Variants in TTLL8 observed in about 807,000 individuals in gnomAD.
TTLL8 encodes the protein protein monoglycylase TTLL8.
In TTLL8, 65 loss-of-function variants were observed where a neutral mutation model predicts 77.8. The ratio of observed to expected loss-of-function variants is 0.84; its 90% CI spans 0.68 to 1.03. TTLL8 has a LOEUF of 1.03. Among genes scored for constraint, TTLL8 ranks in the 50% least tolerant of loss-of-function variants. The pLI, the probability that TTLL8 is intolerant of heterozygous loss-of-function variation, is 0.00. For missense variants in TTLL8, 910 were observed against 1,004.5 expected, an observed-to-expected ratio of 0.91 and a Z score of 1.27; for synonymous variants, 402 against 422.8, an observed-to-expected ratio of 0.95 and a Z score of 0.60.
chr22:50,029,008 C>CGTCCTG, intron 12 of TTLL8, among the ~76,000 whole-genome samples: 6 of 47,776 alleles, frequency 1.3e-4, no homozygotes, highest in Non-Finnish European at 2.1e-4. Flanking sequence ...CCCATCACAC[C>CGTCCTG]ATCCTGAAGA....
upstream of TTLL8, among the ~76,000 whole-genome samples, chr22:50,054,937 G>A (rs2061463017): frequency 6.6e-6 from 1 of 152,126 alleles, no homozygotes; most frequent in Admixed American, 6.5e-5. Context: ...GCGTGCACCT[G>A]TAGTCCCAGC....
intron 12 of TTLL8, among the ~76,000 whole-genome samples, chr22:50,018,607 T>G (rs1266784688): frequency 6.6e-6 from 1 of 152,108 alleles, no homozygotes; most frequent in Non-Finnish European, 1.5e-5. Flanking sequence ...TAAGTAAAAA[T>G]CAAACTGAAC....
At chr22:50,029,725 T>C (rs1219064693) in intron 12 of TTLL8, among the ~76,000 whole-genome samples, 3 of 151,886 alleles carry the variant, frequency 2.0e-5, no homozygotes, top group Non-Finnish European at 2.9e-5. Flanking sequence ...AGCAAGACTC[T>C]GTCTCAAAAA....
At chr22:50,023,877 G>A (rs150285134) in intron 12 of TTLL8, among the ~76,000 whole-genome samples, 3,487 of 151,900 alleles carry the variant, frequency 0.023, 61 homozygotes, top group South Asian at 0.05. Flanking sequence ...AAAATTAGCC[G>A]GGCATGGTCG....
chr22:50,057,632 G>T (rs1417918233), upstream of TTLL8, among the ~76,000 whole-genome samples: 8 of 73,488 alleles, frequency 1.1e-4, 1 homozygote, highest in Non-Finnish European at 2.4e-5. Flanking sequence ...TGGGGGTCAG[G>T]TCTGGGTTGG....
intron 12 of TTLL8, among the ~76,000 whole-genome samples, chr22:50,027,230 C>T (rs1166534990): frequency 2.2e-5 from 3 of 136,140 alleles, no homozygotes; most frequent in East Asian, 2.4e-4. Context: ...AACGGGACTC[C>T]GTCTCAAAAA....
intron 3 of TTLL8, among the ~76,000 whole-genome samples, chr22:50,048,395 C>T (rs1371839501): frequency 1.3e-5 from 2 of 152,048 alleles, no homozygotes; most frequent in Non-Finnish European, 2.9e-5. Flanking sequence ...GGCTAGCACC[C>T]TTATAAAAGA....
chr22:50,037,454 C>G (rs2061344674), intron 8 of TTLL8, among the ~76,000 whole-genome samples: 1 of 152,256 alleles, frequency 6.6e-6, no homozygotes, highest in African/African-American at 2.4e-5. Flanking sequence ...ATCTGCCCGC[C>G]TCGGCCTAGT....
chr22:50,023,409 G>C (rs1001444745), intron 12 of TTLL8, among the ~76,000 whole-genome samples: 1 of 152,200 alleles, frequency 6.6e-6, no homozygotes, highest in Non-Finnish European at 1.5e-5. Flanking sequence ...ATGAGGCTGG[G>C]CACGGTGGCT....
intron 10 of TTLL8, 169 bp downstream of exon 11, chr22:50,033,033 G>A (rs138222939): frequency 0.036 from 23,470 of 645,662 alleles, 504 homozygotes; most frequent in Middle Eastern, 0.064. Flanking sequence ...CCTGTCCCTC[G>A]GGGAGATCAT....
At chr22:50,023,204 C>A (rs1381903139) in intron 12 of TTLL8, among the ~76,000 whole-genome samples, 1 of 151,970 alleles carries the variant, frequency 6.6e-6, no homozygotes, top group Non-Finnish European at 1.5e-5. Context: ...CCATCAAATA[C>A]CTAGGAATAA....
At chr22:50,047,023 C>T in intron 4 of TTLL8, 145 bp downstream of exon 6, 1 of 1,157,990 alleles carries the variant, frequency 8.6e-7, no homozygotes, top group South Asian at 1.5e-5. Context: ...GTGATTCTGG[C>T]CACGGCCTTA....
In TTLL8 at chr22:50,041,184, C is replaced by T. The variant is rs1187155855; in HGVS notation, c.921+3G>A. 4.5e-6 allele frequency: 2 copies of T among 440,936 alleles called. No individual in the cohort carries two copies. The highest frequency in any genetic ancestry group is 8.9e-6 in the Non-Finnish European group (2 of 223,896). The allele number at this position is 440,936 out of a possible 1,614,324, so 27.3% of individuals were successfully genotyped here. ...CCCCAGTGGAGAGACAGACAAACCCCACCTGCCTGTCTCGGGCTGTGGGGG... is the reference window on the plus strand; with the variant it reads ...CCCCAGTGGAGAGACAGACAAACCCTACCTGCCTGTCTCGGGCTGTGGGGG... On this transcript the variant is annotated splice_donor_region_variant and intron_variant, in intron 8 of 13. Transcript: ENST00000266182. This position sits in a 1 kb window ranked among gnomAD's most constrained non-coding sequence, Gnocchi z 4.3.
At position 50,034,318 on chromosome 22, in the gene TTLL8, T is replaced by C. The variant is rs1449357735; in HGVS notation, c.1039+27A>G. 11 of 1,348,532 alleles carry C rather than the reference T, an allele frequency of 8.2e-6. No individual in the cohort carries two copies. Among genetic ancestry groups the C allele is most frequent in the Non-Finnish European group, 9.9e-6 (10 of 1,011,360 alleles). The allele number at this position is 1,348,532 out of a possible 1,614,324, so 83.5% of individuals were successfully genotyped here. ...CATCAAGTGTGGCCGTTGGTGGCTA[T>C]GAACGCGGTGCAGGGAGCATCCGCA... On this transcript the variant is annotated intron_variant, in intron 9 of 13. Coordinates refer to ENST00000266182, the Ensembl canonical transcript of TTLL8. The surrounding 1 kb of genome is among the most constrained non-coding windows in gnomAD (Gnocchi z 4.1).
At chr22:50,030,334 C>A in intron 12 of TTLL8, 96 bp downstream of exon 13, 1 of 1,145,898 alleles carries the variant, frequency 8.7e-7, no homozygotes, top group Admixed American at 4.6e-5. Flanking sequence ...GCCTGCCCTG[C>A]GCCCCGCTCT....
At position 50,031,823 on chromosome 22, in the gene TTLL8, C is replaced by A; in HGVS notation, c.1570G>T (p.Glu524Ter). ...TGCATGGTGGGGCTGGAATTGATCT[C>A]GATCAGCCAGGGCCTGAAGTCCCTC... The change falls in exon 11 of 14, where the codon GAG becomes TAG. Residue 524 changes from glutamate to a stop codon, truncating the protein, a stop_gained. Coordinates refer to ENST00000266182, the Ensembl canonical transcript of TTLL8. LOFTEE classifies it high-confidence loss of function. 1 of 1,367,106 alleles carries A rather than the reference C, an allele frequency of 7.3e-7. No homozygotes were observed. The highest frequency in any genetic ancestry group is 1.1e-5 in the South Asian group (1 of 88,344). 84.7% of individuals were successfully genotyped at this position (1,367,106 alleles called of 1,614,324 possible).
chr22:50,057,486 C>A (rs1419856820), upstream of TTLL8, among the ~76,000 whole-genome samples: 1 of 41,166 alleles, frequency 2.4e-5, no homozygotes, highest in Admixed American at 3.8e-4. Flanking sequence ...GATTGTGGGT[C>A]AGGTCTGGGT....
intron 12 of TTLL8, among the ~76,000 whole-genome samples, chr22:50,022,479 C>G (rs1445464233): frequency 6.6e-6 from 1 of 151,698 alleles, no homozygotes; most frequent in Non-Finnish European, 1.5e-5. Context: ...GACGTGTACT[C>G]CTCCATCTGA....
rs141219698 is a variant in TTLL8, at chr22:50,049,232, G to A, written c.264+17C>T. 420 of 1,367,558 alleles carry A rather than the reference G, an allele frequency of 3.1e-4. 1 individual carries two copies. In the African/African-American group the frequency reaches 5.6e-3, roughly 18 times the overall value. 84.7% of individuals were successfully genotyped at this position (1,367,558 alleles called of 1,614,324 possible). ...TGGAGAGGCCGCAGCTGACCATGAC[G>A]CATGCAGGGGACGTACCATCACGTC... On this transcript the variant is annotated intron_variant, in intron 3 of 13. Transcript: ENST00000266182.
Sources: allele counts gnomAD v4.1 joint callset (sites outside exome capture counted in the v4.1 genomes callset), GRCh38; gene constraint gnomAD v4.1.1; non-coding constraint Gnocchi (gnomAD v3.1); transcripts MANE v1.5; gene names NCBI Gene and HGNC (gene_info 2026-07-23, HGNC 2026-07-21).